Variants in ACTN1 observed in about 807,000 individuals in gnomAD.
ACTN1 encodes alpha-actinin-1.
A neutral mutation model predicts 119.6 loss-of-function variants in ACTN1; 30 were observed. That is an observed-to-expected ratio of 0.25 (90% CI 0.19 to 0.34). ACTN1 has a LOEUF of 0.34. ACTN1 is among the 10% of genes least tolerant of loss of function. The pLI is 1.00. For missense variants in ACTN1, 764 were observed against 1,223.4 expected (o/e 0.62, Z 5.60); for synonymous variants, 429 against 472.6 (o/e 0.91, Z 1.20).
intron 4 of ACTN1, 58 bp from the exon 5 acceptor site, chr14:68,910,100 G>A (rs2033916005): frequency 2.7e-6 from 4 of 1,460,644 alleles, no homozygotes; most frequent in Non-Finnish European, 2.9e-6. Context: ...AGGGAGGGAT[G>A]CCGGCTCACA....
rs546892688 is a variant in ACTN1 at position 68,890,631 on chromosome 14, A to AGGGCCT, written c.1087-346_1087-345insAGGCCC. Among the ~76,000 whole-genome samples, 1,392 of 152,346 alleles carry AGGGCCT rather than the reference A, an allele frequency of 9.1e-3. 8 individuals are homozygous for AGGGCCT. The highest frequency in any genetic ancestry group is 0.014 in the Admixed American group (221 of 15,308). ...GACTCTAACCGATCACAGAGGTCAC[A>AGGGCCT]CATGTGCTAAGGCAAAGGGCCCCCG... On this transcript the variant is annotated intron_variant, in intron 10 of 21. Transcript: ENST00000394419.
rs1176638089 is a variant in ACTN1, at chr14:68,921,702, C to T, written c.221-577G>A. 2.0e-5 allele frequency among the ~76,000 whole-genome samples: 3 copies of T among 152,136 alleles called. No homozygotes were observed. In the South Asian group the frequency reaches 6.2e-4, roughly 32 times the overall value. On this transcript the variant is annotated intron_variant, in intron 2 of 21. Coordinates refer to ENST00000394419, the MANE Select transcript of ACTN1 (RefSeq NM_001130004.2). Reference sequence around the variant, plus strand: ...AGGCCCTGAACTCCTTCTAGCCTTCCCTTTGCCCTGGGAGGAGGGTATAGG... The same window carrying T: ...AGGCCCTGAACTCCTTCTAGCCTTCTCTTTGCCCTGGGAGGAGGGTATAGG...
chr14:68,882,619 T>G lies in ACTN1; in HGVS notation c.1819-27A>C, dbSNP rs775151388. 2 of 1,613,228 alleles carry G rather than the reference T, an allele frequency of 1.2e-6. No homozygotes were observed. The highest frequency in any genetic ancestry group is 2.2e-5 in the South Asian group (2 of 91,048). Reference sequence around the variant, plus strand: ...TGGGGCAGGAACAACAAGGCGACTTTCAGGATGGGTCAGCCATCTGTCCAT... The same window carrying G: ...TGGGGCAGGAACAACAAGGCGACTTGCAGGATGGGTCAGCCATCTGTCCAT... On this transcript the variant is annotated intron_variant, in intron 15 of 21. Transcript: ENST00000394419. The surrounding 1 kb of genome is among the most constrained non-coding windows in gnomAD (Gnocchi z 4.5).
chr14:68,881,042 G>A (rs1016419526), intron 16 of ACTN1, 53 bp from the exon 17 acceptor site: 7 of 1,583,530 alleles, frequency 4.4e-6, no homozygotes, highest in Non-Finnish European at 4.3e-6. Flanking sequence ...TGCTCCCATA[G>A]GGTGGGGACT....
Position 68,978,995 on chromosome 14 carries a change from C to A in ACTN1, c.62G>T (p.Arg21Leu). The A allele has an allele frequency of 6.2e-7, 1 of 1,603,842 alleles. No individual in the cohort carries two copies. Among genetic ancestry groups the A allele is most frequent in the Non-Finnish European group, 8.5e-7 (1 of 1,174,896 alleles). Residue 21 changes from arginine (R) to leucine (L), a missense_variant, in exon 1 of 22, where the codon CGG (arginine) becomes CTG (leucine). Around this residue, in one of 4 missense-constraint regions of ACTN1, gnomAD observed 64 missense variants for 80.0 expected, o/e 0.80. Coordinates refer to ENST00000394419, the MANE Select transcript of ACTN1 (RefSeq NM_001130004.2). ...CCAGGCCGGGTCCAGGAGCAGGTCC[C>A]GGTCCCAGTCCTCTTCTGGCTGCAT... ...DYMQPEEDWD[R>L]DLLLDPAWEK...
In ACTN1 at chr14:68,895,008, A is replaced by G. The variant is rs114870365; in HGVS notation, c.763-1261T>C. 3.4e-3 allele frequency among the ~76,000 whole-genome samples: 505 copies of G among 149,856 alleles called. 4 individuals carry two copies. Among genetic ancestry groups the G allele is most frequent in the African/African-American group, 0.012 (482 of 40,974 alleles). ...ACCAAATCATGTGCTTTGTGGATGG[A>G]TGACTATGCTGGGGTGTGTGGGGCA... On this transcript the variant is annotated intron_variant, in intron 8 of 21. Transcript: ENST00000394419.
chr14:68,962,086 C>A (rs990754228), intron 1 of ACTN1, among the ~76,000 whole-genome samples: 1 of 152,234 alleles, frequency 6.6e-6, no homozygotes, highest in Admixed American at 6.5e-5. Flanking sequence ...CTCTGCAACA[C>A]AGCCAAGGTT....
intron 3 of ACTN1, among the ~76,000 whole-genome samples, chr14:68,915,926 A>C (rs999455825): frequency 3.3e-5 from 5 of 152,232 alleles, no homozygotes; most frequent in African/African-American, 2.4e-5. Flanking sequence ...AGGCAGGAGA[A>C]TCGCTTGAAT....
At chr14:68,968,409 C>T (rs1458200262) in intron 1 of ACTN1, among the ~76,000 whole-genome samples, 1 of 152,232 alleles carries the variant, frequency 6.6e-6, no homozygotes, top group Non-Finnish European at 1.5e-5. Flanking sequence ...ACCTTTACAG[C>T]TCCAGGGCAA....
At chr14:68,962,430 C>T (rs1337835138) in intron 1 of ACTN1, among the ~76,000 whole-genome samples, 2 of 152,178 alleles carry the variant, frequency 1.3e-5, no homozygotes, top group Non-Finnish European at 2.9e-5. Context: ...TTCCCAGGAG[C>T]ACCATTTGCC....
intron 1 of ACTN1, among the ~76,000 whole-genome samples, chr14:68,928,900 G>A (rs2035063333): frequency 2.0e-5 from 3 of 152,156 alleles, no homozygotes; most frequent in African/African-American, 7.2e-5. Context: ...GCTCTTTTTT[G>A]CACCGGTGCT....
At position 68,909,590 on chromosome 14, in the gene ACTN1, G is replaced by T. The variant is rs996046117; in HGVS notation, c.516-194C>A. ...CCAGGCACTAGGGTCAAGACTTTGT[G>T]GGGGGGTTGACAAGTTCAGATAAAC... On this transcript the variant is annotated intron_variant, in intron 5 of 21. Coordinates refer to ENST00000394419, the MANE Select transcript of ACTN1 (RefSeq NM_001130004.2). The surrounding 1 kb of genome is among the most constrained non-coding windows in gnomAD (Gnocchi z 4.1). Among the ~76,000 whole-genome samples, 5 of 152,020 alleles carry T rather than the reference G, an allele frequency of 3.3e-5. No individual in the cohort carries two copies. The highest frequency in any genetic ancestry group is 7.2e-5 in the African/African-American group (3 of 41,380).
intron 1 of ACTN1, among the ~76,000 whole-genome samples, chr14:68,962,255 G>A (rs957456635): frequency 6.6e-6 from 1 of 152,176 alleles, no homozygotes; most frequent in African/African-American, 2.4e-5. Flanking sequence ...AGGGTCCACT[G>A]CTCAAATTCC....
intron 1 of ACTN1, among the ~76,000 whole-genome samples, chr14:68,933,921 G>C (rs945121707): frequency 4.0e-5 from 6 of 151,244 alleles, no homozygotes; most frequent in Non-Finnish European, 8.8e-5. Context: ...TGGCTACAGA[G>C]AGCCATGATT....
intron 1 of ACTN1, among the ~76,000 whole-genome samples, chr14:68,936,440 A>C (rs148221364): frequency 2.2e-4 from 33 of 152,026 alleles, no homozygotes; most frequent in African/African-American, 7.5e-4. Flanking sequence ...GGTAGAGAAC[A>C]CTTGCTTTTC....
intron 1 of ACTN1, among the ~76,000 whole-genome samples, chr14:68,934,949 C>T (rs1037939470): frequency 1.8e-4 from 27 of 152,310 alleles, no homozygotes; most frequent in African/African-American, 6.0e-4. Flanking sequence ...ACAGGGCTTG[C>T]ACTCCAGTAA....
intron 9 of ACTN1, 50 bp downstream of exon 9, chr14:68,893,605 G>T: frequency 6.5e-7 from 1 of 1,549,118 alleles, no homozygotes; most frequent in Non-Finnish European, 8.9e-7. Flanking sequence ...ACACGTTCTA[G>T]GGGACTGACT....
At chr14:68,897,069 G>A (rs546221019) in intron 8 of ACTN1, among the ~76,000 whole-genome samples, 1 of 152,244 alleles carries the variant, frequency 6.6e-6, no homozygotes, top group Non-Finnish European at 1.5e-5. Context: ...TGCAACCTCT[G>A]CCTCCAAGGT....
At position 68,878,982 on chromosome 14, in the gene ACTN1, C is replaced by T. The variant is rs368694435; in HGVS notation, c.2361+7G>A. The T allele has an allele frequency of 1.9e-5, 30 of 1,612,924 alleles. No individual in the cohort carries two copies. The highest frequency in any genetic ancestry group is 6.7e-5 in the African/African-American group (5 of 74,566). On this transcript the variant is annotated splice_region_variant and intron_variant, in intron 19 of 21. Transcript: ENST00000394419. This position sits in a 1 kb window ranked among gnomAD's most constrained non-coding sequence, Gnocchi z 4.4. ...CCCTGAGCGTGCTCCATGCAGGAGG[C>T]GAGTACCTGGGGGTCGTTGCCAATA... is the stretch of plus-strand genomic sequence containing the variant.
Sources: gnomAD v4.1 joint callset for allele counts (sites outside exome capture counted in the v4.1 genomes callset) on GRCh38, gnomAD v4.1.1 for gene constraint, gnomAD v4.1.1 regional missense constraint, Gnocchi (gnomAD v3.1) non-coding constraint, MANE v1.5 for transcripts, NCBI Gene and HGNC (gene_info 2026-07-23, HGNC 2026-07-21) for gene names.